The following NDUFAF2 variants were observed in gnomAD, a reference collection of about 807,000 sequenced individuals.
NDUFAF2 encodes NADH dehydrogenase [ubiquinone] 1 alpha subcomplex assembly factor 2.
Under a neutral mutation model 22.8 loss-of-function variants are expected in NDUFAF2, and 13 were observed. That is an observed-to-expected ratio of 0.57 (90% CI 0.37 to 0.91). NDUFAF2 has a LOEUF of 0.91. NDUFAF2 is among the 40% of genes least tolerant of loss of function. The pLI is 0.01. For synonymous variants in NDUFAF2, 53 were observed against 64.2 expected (o/e 0.83, Z 0.84); for missense variants, 162 against 195.2 (o/e 0.83, Z 1.01).
chr5:60,992,700 G>A (rs329620), intron 1 of NDUFAF2, among the ~76,000 whole-genome samples: 22,509 of 151,948 alleles, frequency 0.15, 2,104 homozygotes, highest in South Asian at 0.27. Flanking sequence ...AGCATTTCTT[G>A]TAGGAAGCTC....
chr5:60,972,407 A>G (rs1325342559), intron 1 of NDUFAF2, among the ~76,000 whole-genome samples: 1 of 152,084 alleles, frequency 6.6e-6, no homozygotes, highest in African/African-American at 2.4e-5. Context: ...TCTTGTGGTG[A>G]TGAGTGAGTT....
chr5:61,110,677 C>T (rs954545069), intron 3 of NDUFAF2, among the ~76,000 whole-genome samples: 4 of 151,840 alleles, frequency 2.6e-5, no homozygotes, highest in East Asian at 1.9e-4. Context: ...TCCTTTTTCA[C>T]GTCTTATTTT....
chr5:61,131,789 T>C (rs1753115230), intron 3 of NDUFAF2, among the ~76,000 whole-genome samples: 3 of 152,306 alleles, frequency 2.0e-5, no homozygotes, highest in South Asian at 2.1e-4. Context: ...ACTATATTTA[T>C]ATTATAAACA....
At chr5:61,024,464 G>A (rs1751625817) in intron 1 of NDUFAF2, among the ~76,000 whole-genome samples, 1 of 151,846 alleles carries the variant, frequency 6.6e-6, no homozygotes, top group African/African-American at 2.4e-5. Flanking sequence ...ACCCTACCAA[G>A]TTATAAAATG....
At chr5:60,978,912 C>G (rs962568083) in intron 1 of NDUFAF2, among the ~76,000 whole-genome samples, 52 of 152,148 alleles carry the variant, frequency 3.4e-4, no homozygotes, top group Non-Finnish European at 1.3e-4. Flanking sequence ...TTTCTCCCTG[C>G]TTGAAGAAAG....
chr5:60,980,047 C>T (rs780954497), intron 1 of NDUFAF2, among the ~76,000 whole-genome samples: 6 of 152,158 alleles, frequency 3.9e-5, no homozygotes, highest in Admixed American at 6.5e-5. Flanking sequence ...AGACCACCAA[C>T]GTGTACCTCA....
intron 1 of NDUFAF2, among the ~76,000 whole-genome samples, chr5:60,958,531 G>A (rs980394190): frequency 2.6e-5 from 4 of 151,988 alleles, no homozygotes; most frequent in Non-Finnish European, 5.9e-5. Flanking sequence ...TAACAACCAT[G>A]TAACCAGGGA....
intron 2 of NDUFAF2, among the ~76,000 whole-genome samples, chr5:61,095,703 A>G (rs1752631270): frequency 6.6e-6 from 1 of 152,030 alleles, no homozygotes; most frequent in African/African-American, 2.4e-5. Context: ...TTAGGAGGAG[A>G]TCTCCTGACT....
At chr5:61,130,523 G>T (rs529662428) in intron 3 of NDUFAF2, among the ~76,000 whole-genome samples, 2 of 152,216 alleles carry the variant, frequency 1.3e-5, no homozygotes, top group African/African-American at 4.8e-5. Context: ...CCATATTGCA[G>T]TGTTCAGTCA....
chr5:60,998,447 T>TA (rs959802073), intron 1 of NDUFAF2, among the ~76,000 whole-genome samples: 3 of 152,098 alleles, frequency 2.0e-5, no homozygotes, highest in African/African-American at 7.2e-5. Context: ...TAATGTATTT[T>TA]AAAAAAATTA....
chr5:61,035,847 C>G (rs1751794087), intron 1 of NDUFAF2, among the ~76,000 whole-genome samples: 1 of 152,034 alleles, frequency 6.6e-6, no homozygotes, highest in South Asian at 2.1e-4. Flanking sequence ...TACATTCTAT[C>G]TTGAAATAGC....
chr5:61,035,624 C>CA (rs1751791257), intron 1 of NDUFAF2, among the ~76,000 whole-genome samples: 1 of 151,816 alleles, frequency 6.6e-6, no homozygotes, highest in African/African-American at 2.4e-5. Context: ...CCCACTACAC[C>CA]AAAAAGGACA....
At chr5:61,134,787 C>G (rs1259746047) in intron 3 of NDUFAF2, among the ~76,000 whole-genome samples, 3 of 152,060 alleles carry the variant, frequency 2.0e-5, no homozygotes, top group Admixed American at 6.5e-5. Context: ...AGCAGAATCA[C>G]ACAGGAAAAA....
At chr5:60,984,119 C>T (rs1751033096) in intron 1 of NDUFAF2, among the ~76,000 whole-genome samples, 1 of 152,092 alleles carries the variant, frequency 6.6e-6, no homozygotes, top group Admixed American at 6.5e-5. Context: ...CCTTCACGTC[C>T]CTTTGTAAGT....
intron 2 of NDUFAF2, among the ~76,000 whole-genome samples, chr5:61,086,914 C>T (rs1752511255): frequency 6.6e-6 from 1 of 152,050 alleles, no homozygotes; most frequent in Non-Finnish European, 1.5e-5. Flanking sequence ...AACTCTCATA[C>T]CTCAGTGAGA....
chr5:61,003,085 A>G (rs952756364), intron 1 of NDUFAF2, among the ~76,000 whole-genome samples: 2 of 152,124 alleles, frequency 1.3e-5, no homozygotes, highest in African/African-American at 2.4e-5. Flanking sequence ...TTGTGACTCT[A>G]CAGGAAATAT....
At chr5:60,957,012 T>G (rs1262683147) in intron 1 of NDUFAF2, among the ~76,000 whole-genome samples, 1 of 152,116 alleles carries the variant, frequency 6.6e-6, no homozygotes, top group Non-Finnish European at 1.5e-5. Context: ...AAGTTGATAA[T>G]TTAAAATTGA....
intron 1 of NDUFAF2, among the ~76,000 whole-genome samples, chr5:60,958,659 C>T (rs1180974054): frequency 2.0e-5 from 3 of 152,040 alleles, no homozygotes; most frequent in Non-Finnish European, 4.4e-5. Context: ...TCAGTGAATT[C>T]AGATGTTTAC....
In NDUFAF2 at chr5:61,083,673, G is replaced by A. The variant is rs529309054; in HGVS notation, c.217+10459G>A. ...GATTACAGGTGTGAGCCACCCCTCC[G>A]GCCTGTAGTTTTCAACTATAGATCT... On this transcript the variant is annotated intron_variant, in intron 2 of 3. Transcript: ENST00000296597. 7.3e-5 allele frequency among the ~76,000 whole-genome samples: 11 copies of A among 151,420 alleles called. No individual in the cohort carries two copies. The South Asian group carries it at 1.3e-3, about 17-fold the overall frequency.
Sources: gnomAD v4.1 joint callset for allele counts (sites outside exome capture counted in the v4.1 genomes callset) on GRCh38, gnomAD v4.1.1 for gene constraint, MANE v1.5 for transcripts, NCBI Gene and HGNC (gene_info 2026-07-23, HGNC 2026-07-21) for gene names.